The following TYW1 variants were observed in gnomAD, a reference collection of about 807,000 sequenced individuals.
TYW1 encodes tRNA-yW synthesizing protein 1 homolog, also known as S-adenosyl-L-methionine-dependent tRNA 4-demethylwyosine synthase TYW1.
A neutral mutation model predicts 96.2 loss-of-function variants in TYW1; 46 were observed. The ratio of observed to expected loss-of-function variants is 0.48; its 90% CI spans 0.38 to 0.61. The LOEUF is 0.61. Ranked by LOEUF, TYW1 falls within the 20% of genes least tolerant of loss-of-function variation. TYW1 has a pLI of 0.00. For missense variants in TYW1, 684 were observed against 909.6 expected, an observed-to-expected ratio of 0.75 and a Z score of 3.19; for synonymous variants, 274 against 323.0, an observed-to-expected ratio of 0.85 and a Z score of 1.63.
intron 10 of TYW1, among the ~76,000 whole-genome samples, chr7:67,074,860 T>C (rs1386620388): frequency 6.6e-6 from 1 of 151,688 alleles, no homozygotes; most frequent in Non-Finnish European, 1.5e-5. Context: ...TGAGATGGAG[T>C]CTCGCTCTGT....
intron 12 of TYW1, among the ~76,000 whole-genome samples, chr7:67,111,619 G>C (rs1177304294): frequency 6.6e-6 from 1 of 152,132 alleles, no homozygotes; most frequent in Admixed American, 6.6e-5. Flanking sequence ...TTTATAAAGG[G>C]AATTCCAGAA....
chr7:67,160,844 G>A (rs1200511514), intron 13 of TYW1, among the ~76,000 whole-genome samples: 2 of 151,638 alleles, frequency 1.3e-5, no homozygotes, highest in African/African-American at 4.9e-5. Context: ...TGCCCACCTC[G>A]GCCTCCCAGA....
chr7:67,046,745 G>A (rs1795199833), intron 7 of TYW1, among the ~76,000 whole-genome samples: 2 of 152,170 alleles, frequency 1.3e-5, no homozygotes, highest in Admixed American at 6.5e-5. Context: ...TGCATATGGA[G>A]GATAGGACTG....
At chr7:67,145,858 A>G (rs1299626350) in intron 13 of TYW1, among the ~76,000 whole-genome samples, 1 of 151,938 alleles carries the variant, frequency 6.6e-6, no homozygotes, top group African/African-American at 2.4e-5. Context: ...GGGCTTAAGC[A>G]ATCTTCCCAC....
At chr7:67,085,383 GT>G (rs2115785553) in intron 11 of TYW1, among the ~76,000 whole-genome samples, 1 of 152,264 alleles carries the variant, frequency 6.6e-6, no homozygotes, top group African/African-American at 2.4e-5. Flanking sequence ...AGATCTGATG[GT>G]TTTATGAGGG....
At chr7:67,050,423 C>G (rs985804988) in intron 8 of TYW1, among the ~76,000 whole-genome samples, 29 of 152,042 alleles carry the variant, frequency 1.9e-4, no homozygotes, top group African/African-American at 5.8e-4. Flanking sequence ...GTGGTCTTAC[C>G]TTATTAAGGA....
chr7:67,087,327 G>A (rs1316351937), intron 11 of TYW1, among the ~76,000 whole-genome samples: 12 of 152,128 alleles, frequency 7.9e-5, no homozygotes, highest in African/African-American at 2.9e-4. Flanking sequence ...TAATCAGCAG[G>A]CATCTCAAAT....
chr7:67,020,087 G>A (rs1415366386), intron 6 of TYW1, among the ~76,000 whole-genome samples: 1 of 152,298 alleles, frequency 6.6e-6, no homozygotes, highest in Non-Finnish European at 1.5e-5. Flanking sequence ...ATAAGTTAAA[G>A]AGCTTACAGC....
intron 15 of TYW1, among the ~76,000 whole-genome samples, chr7:67,219,124 GTGT>G (rs1220260117): frequency 1.3e-5 from 2 of 152,184 alleles, no homozygotes; most frequent in African/African-American, 2.4e-5. Context: ...ACGCGAAAGG[GTGT>G]TGTTTTGTCA....
chr7:67,229,388 A>C (rs1220022933), intron 15 of TYW1, among the ~76,000 whole-genome samples: 4 of 138,342 alleles, frequency 2.9e-5, no homozygotes, highest in African/African-American at 1.1e-4. Context: ...AATTGCAAAA[A>C]TTAGCTGGGC....
chr7:67,053,804 A>G (rs1795434149), intron 8 of TYW1, among the ~76,000 whole-genome samples: 1 of 152,220 alleles, frequency 6.6e-6, no homozygotes, highest in Non-Finnish European at 1.5e-5. Context: ...AATGTGCTGA[A>G]CAGTACTTGG....
At chr7:67,175,650 C>A (rs1213435496) in intron 13 of TYW1, among the ~76,000 whole-genome samples, 5 of 152,024 alleles carry the variant, frequency 3.3e-5, no homozygotes, top group Non-Finnish European at 5.9e-5. Context: ...AAAAATCAAC[C>A]TATTTATGAT....
intron 10 of TYW1, among the ~76,000 whole-genome samples, chr7:67,080,036 A>T (rs1796332542): frequency 6.6e-6 from 1 of 152,192 alleles, no homozygotes; most frequent in African/African-American, 2.4e-5. Context: ...GGATGAGAAG[A>T]TCGTGTATTC....
At chr7:67,158,817 C>T (rs528340121) in intron 13 of TYW1, among the ~76,000 whole-genome samples, 109 of 152,086 alleles carry the variant, frequency 7.2e-4, no homozygotes, top group African/African-American at 2.0e-3. Flanking sequence ...GTGATCTGCC[C>T]GCCTCAGCCT....
intron 13 of TYW1, among the ~76,000 whole-genome samples, chr7:67,148,536 C>T (rs1798682633): frequency 6.6e-6 from 1 of 150,892 alleles, no homozygotes; most frequent in African/African-American, 2.4e-5. Context: ...CGCCATTCTC[C>T]TGCCTCAGCC....
rs919435546 is a variant in TYW1 at position 67,098,584 on chromosome 7, G to A, written c.1428G>A (p.Thr476=). Residue 476 remains threonine (T), a synonymous_variant, in exon 12 of 16, where the codon ACG becomes ACA. Transcript: ENST00000359626. The stretch of plus-strand genomic sequence containing the variant: ...CAGAACGCTTTGAAGAAGGAATGAC[G>A]GTAAAGCACTGTGCATTGTCCCTCG... ...VKAERFEEGM[T]VKHCALSLVG... is the part of the protein sequence containing the mutation. 6 of 1,606,340 alleles carry A rather than the reference G, an allele frequency of 3.7e-6. No homozygotes were observed. The African/African-American group carries it at 5.4e-5, about 14-fold the overall frequency.
At chr7:67,157,731 G>A (rs766606419) in intron 13 of TYW1, among the ~76,000 whole-genome samples, 4 of 152,176 alleles carry the variant, frequency 2.6e-5, no homozygotes, top group African/African-American at 4.8e-5. Flanking sequence ...TTCTCTAGGC[G>A]GGACAGTTTC....
In TYW1 at chr7:67,131,865, AGG is replaced by A. The variant is rs879884978; in HGVS notation, c.1698+14249_1698+14250del. On this transcript the variant is annotated intron_variant, in intron 13 of 15. Transcript: ENST00000359626. ...TGAAGAACTTGGAGTTTGATGTTCG[AGG>A]GCAGGAAGCATCCAGCACGGGAGAA... 1.1e-3 allele frequency among the ~76,000 whole-genome samples: 175 copies of A among 152,178 alleles called. 2 individuals are homozygous for A. Among genetic ancestry groups the A allele is most frequent in the Non-Finnish European group, 1.1e-3 (73 of 68,022 alleles).
intron 6 of TYW1, among the ~76,000 whole-genome samples, chr7:67,023,239 G>A (rs1794337125): frequency 6.6e-6 from 1 of 152,002 alleles, no homozygotes; most frequent in Non-Finnish European, 1.5e-5. Context: ...TGGGACTACA[G>A]GCGCATGCCA....
Sources: gnomAD v4.1 joint callset for allele counts (sites outside exome capture counted in the v4.1 genomes callset) on GRCh38, gnomAD v4.1.1 for gene constraint, MANE v1.5 for transcripts, NCBI Gene and HGNC (gene_info 2026-07-23, HGNC 2026-07-21) for gene names.